The following NCKAP5 variants were observed in gnomAD, a reference collection of about 807,000 sequenced individuals.
The protein encoded by NCKAP5 is NCK associated protein 5.
In NCKAP5, 92 loss-of-function variants were observed where a neutral mutation model predicts 167.0. That is an observed-to-expected ratio of 0.55 (90% CI 0.47 to 0.66). The LOEUF (loss-of-function observed/expected upper bound fraction) is 0.66. NCKAP5 is among the 30% of genes least tolerant of loss of function. NCKAP5 has a pLI of 0.00. For missense variants in NCKAP5, 2,378 were observed against 2,315.0 expected, an observed-to-expected ratio of 1.03 and a Z score of -0.56; for synonymous variants, 891 against 877.4, an observed-to-expected ratio of 1.02 and a Z score of -0.27.
intron 5 of NCKAP5, among the ~76,000 whole-genome samples, chr2:133,133,424 C>G (rs1315621888): frequency 1.3e-5 from 2 of 152,200 alleles, no homozygotes; most frequent in Non-Finnish European, 2.9e-5. Context: ...GTCACCTCTT[C>G]CCTTTCTCTT....
At chr2:133,431,943 TGG>T (rs1182294572) in intron 3 of NCKAP5, 2 of 152,176 alleles carry the variant, frequency 1.3e-5, no homozygotes, top group African/African-American at 2.4e-5. Flanking sequence ...AAATTGCCCA[TGG>T]AAGAGAGGGT....
chr2:132,795,689 G>A (rs1443564625), intron 12 of NCKAP5, among the ~76,000 whole-genome samples: 1 of 151,610 alleles, frequency 6.6e-6, no homozygotes, highest in East Asian at 1.9e-4. Flanking sequence ...TGTGGCGGCG[G>A]GCGCCTATAA....
chr2:133,283,552 CA>C (rs1234766187), intron 4 of NCKAP5, among the ~76,000 whole-genome samples: 1 of 151,830 alleles, frequency 6.6e-6, no homozygotes, highest in African/African-American at 2.4e-5. Context: ...GTAAGCGCTA[CA>C]GTTCACATTT....
At chr2:132,967,536 A>G (rs952387400) in intron 7 of NCKAP5, among the ~76,000 whole-genome samples, 1 of 152,202 alleles carries the variant, frequency 6.6e-6, no homozygotes, top group Non-Finnish European at 1.5e-5. Context: ...CAGTTTGATT[A>G]TAATAGAGAA....
At chr2:132,747,889 C>T (rs1375537176) in intron 16 of NCKAP5, among the ~76,000 whole-genome samples, 2 of 152,150 alleles carry the variant, frequency 1.3e-5, no homozygotes, top group Non-Finnish European at 2.9e-5. Context: ...GGATTGGGGC[C>T]TGTGCAAACC....
chr2:133,036,962 T>A (rs2079059245), intron 6 of NCKAP5, among the ~76,000 whole-genome samples: 1 of 152,008 alleles, frequency 6.6e-6, no homozygotes, highest in South Asian at 2.1e-4. Flanking sequence ...ATAAATTCAG[T>A]AAAGTTGCAG....
In NCKAP5 at chr2:132,791,132, C is replaced by T. The variant is rs577292498; in HGVS notation, c.910-927G>A. 9.9e-5 allele frequency among the ~76,000 whole-genome samples: 15 copies of T among 152,194 alleles called. No individual in the cohort carries two copies. The East Asian group carries it at 1.7e-3, about 18-fold the overall frequency. On this transcript the variant is annotated intron_variant, in intron 12 of 19. Coordinates refer to ENST00000409261, the MANE Select transcript of NCKAP5 (RefSeq NM_207363.3). ...TTAATGTCCTCTTTATAGAGGGTGC[C>T]GCTGTCTGAGATTTCTGCTACACTT...
rs190716106 is a variant in NCKAP5, at chr2:132,792,620, T to C, written c.910-2415A>G. On this transcript the variant is annotated intron_variant, in intron 12 of 19. Coordinates refer to ENST00000409261, the MANE Select transcript of NCKAP5 (RefSeq NM_207363.3). ...TCTGCTCTGACAGATGTGTCTACTC[T>C]ACAGAGAGAGAGAGAGACTGTGTCT... Among the ~76,000 whole-genome samples the C allele has an allele frequency of 2.1e-3, 315 of 152,284 alleles. 2 individuals are homozygous for C. The highest frequency in any genetic ancestry group is 7.3e-3 in the African/African-American group (303 of 41,566).
intron 11 of NCKAP5, among the ~76,000 whole-genome samples, chr2:132,857,173 T>TG (rs906027281): frequency 4.0e-5 from 6 of 149,932 alleles, no homozygotes; most frequent in Non-Finnish European, 8.9e-5. Context: ...TCCATTATCT[T>TG]TTTTTTTTTA....
chr2:133,128,469 C>T (rs140935207), intron 6 of NCKAP5, among the ~76,000 whole-genome samples: 192 of 152,304 alleles, frequency 1.3e-3, no homozygotes, highest in African/African-American at 4.4e-3. Context: ...GAACCATCAC[C>T]TACCCTCATA....
chr2:132,969,331 G>A (rs575093106), intron 7 of NCKAP5, among the ~76,000 whole-genome samples: 3 of 152,152 alleles, frequency 2.0e-5, no homozygotes, highest in Admixed American at 1.3e-4. Flanking sequence ...TCCATACTGC[G>A]CCCATCCCCC....
At chr2:133,247,489 C>T (rs1256801867) in intron 4 of NCKAP5, among the ~76,000 whole-genome samples, 1 of 152,186 alleles carries the variant, frequency 6.6e-6, no homozygotes, top group Admixed American at 6.5e-5. Flanking sequence ...TAGCCTCCAT[C>T]CATGTTTCCA....
chr2:133,470,343 C>T, intron 3 of NCKAP5, among the ~76,000 whole-genome samples: 1 of 152,126 alleles, frequency 6.6e-6, no homozygotes, highest in Admixed American at 6.5e-5. Context: ...GGTCAGGGAC[C>T]CACTTGAGGA....
intron 5 of NCKAP5, among the ~76,000 whole-genome samples, chr2:133,207,124 C>T (rs757240783): frequency 3.3e-5 from 5 of 152,136 alleles, no homozygotes; most frequent in Non-Finnish European, 7.3e-5. Flanking sequence ...GACCTTCTCC[C>T]TGTTCATGCA....
At chr2:133,662,839 G>A in the NCKAP5 span, among the ~76,000 whole-genome samples, 1 of 151,544 alleles carries the variant, frequency 6.6e-6, no homozygotes, top group Non-Finnish European at 1.5e-5. Flanking sequence ...TTGCAATAAA[G>A]GGAGTCACAC....
At chr2:132,697,657 A>G (rs535859395) in intron 19 of NCKAP5, among the ~76,000 whole-genome samples, 5 of 152,034 alleles carry the variant, frequency 3.3e-5, no homozygotes, top group Non-Finnish European at 5.9e-5. Flanking sequence ...GTACACGATG[A>G]CATTTTTCAT....
chr2:132,818,122 G>A (rs1686423736), intron 11 of NCKAP5, among the ~76,000 whole-genome samples: 1 of 151,914 alleles, frequency 6.6e-6, no homozygotes, highest in East Asian at 1.9e-4. Flanking sequence ...TAATTTTTGT[G>A]TTTTTTGTAG....
chr2:132,797,620 C>T (rs149894590), intron 11 of NCKAP5, among the ~76,000 whole-genome samples: 19 of 152,326 alleles, frequency 1.2e-4, no homozygotes, highest in Non-Finnish European at 2.2e-4. Flanking sequence ...GTGCCTCTCT[C>T]GCTTCCGAAA....
chr2:133,015,311 A>G (rs2149374264), intron 6 of NCKAP5, among the ~76,000 whole-genome samples: 1 of 152,364 alleles, frequency 6.6e-6, no homozygotes, highest in East Asian at 1.9e-4. Context: ...GAAATAAAGA[A>G]GACCTCTTCA....
Sources: allele counts gnomAD v4.1 joint callset (sites outside exome capture counted in the v4.1 genomes callset), GRCh38; gene constraint gnomAD v4.1.1; transcripts MANE v1.5; gene names NCBI Gene and HGNC (gene_info 2026-07-23, HGNC 2026-07-21).